USP6NL: variants seen among roughly 807,000 people sequenced by gnomAD.
USP6NL encodes the protein USP6 N-terminal-like protein.
In USP6NL, 26 loss-of-function variants were observed where a neutral mutation model predicts 61.9. That is an observed-to-expected ratio of 0.42 (90% confidence interval 0.31 to 0.58). The LOEUF (loss-of-function observed/expected upper bound fraction) is 0.58, where lower values mean the gene tolerates loss of function less well. Among genes scored for constraint, USP6NL ranks in the 20% least tolerant of loss-of-function variants. USP6NL has a pLI of 0.16. For synonymous variants in USP6NL, 432 were observed against 390.1 expected, an observed-to-expected ratio of 1.11 and a Z score of -1.27; for missense variants, 1,114 against 1,034.3, an observed-to-expected ratio of 1.08 and a Z score of -1.06.
intron 5 of USP6NL, among the ~76,000 whole-genome samples, chr10:11,514,196 C>T (rs1210434732): frequency 6.6e-6 from 1 of 150,836 alleles, no homozygotes; most frequent in African/African-American, 2.4e-5. Flanking sequence ...CAACTCTACC[C>T]AATGGTCTCA....
intron 2 of USP6NL, among the ~76,000 whole-genome samples, chr10:11,580,850 A>G (rs75182234): frequency 6.6e-6 from 1 of 150,994 alleles, no homozygotes; most frequent in African/African-American, 2.4e-5. Context: ...TGAATGGATG[A>G]ATGACGAACG....
intron 14 of USP6NL, among the ~76,000 whole-genome samples, chr10:11,477,006 G>A (rs957404590): frequency 3.3e-5 from 5 of 152,072 alleles, no homozygotes; most frequent in Admixed American, 6.6e-5. Flanking sequence ...CGAGTAGTTG[G>A]GATTACAGGC....
chr10:11,572,677 C>T (rs928777545), intron 2 of USP6NL, among the ~76,000 whole-genome samples: 5 of 151,986 alleles, frequency 3.3e-5, no homozygotes, highest in Non-Finnish European at 7.4e-5. Flanking sequence ...AAGTAATCTA[C>T]ATTTTATATC....
At chr10:11,498,019 C>T (rs1299160453) in intron 7 of USP6NL, among the ~76,000 whole-genome samples, 5 of 151,712 alleles carry the variant, frequency 3.3e-5, no homozygotes, top group East Asian at 1.9e-4. Context: ...GGGTGGATCA[C>T]GAGGTCAGGG....
chr10:11,583,848 CA>C lies in USP6NL; in HGVS notation c.4+13782del, dbSNP rs148190188. ...CTCAAGACCAGCCTGGCCAACGTGG[CA>C]AAACCCTGAAAACTACTAAAAATAC... On this transcript the variant is annotated intron_variant, in intron 2 of 14. Coordinates refer to ENST00000609104, the MANE Select transcript of USP6NL (RefSeq NM_014688.5). Among the ~76,000 whole-genome samples, 29 of 152,130 alleles carry C rather than the reference CA, an allele frequency of 1.9e-4. No individual in the cohort carries two copies. In the East Asian group the frequency reaches 5.6e-3, roughly 30 times the overall value.
intron 2 of USP6NL, among the ~76,000 whole-genome samples, chr10:11,534,189 T>C (rs1469182702): frequency 6.6e-6 from 1 of 152,248 alleles, no homozygotes; most frequent in Non-Finnish European, 1.5e-5. Context: ...CTCCTCTTAG[T>C]GATTTTCCAT....
Position 11,592,747 on chromosome 10 carries a change from T to C in USP6NL, c.4+4884A>G, listed in dbSNP as rs146835388. Among the ~76,000 whole-genome samples the C allele has an allele frequency of 0.012, 1,880 of 152,350 alleles. 15 individuals carry two copies. Among genetic ancestry groups the C allele is most frequent in the Non-Finnish European group, 0.018 (1,206 of 68,030 alleles). ...CCTAGAGAGTTTTAGCCAGTACTTA[T>C]GGGAAGTCTTCTGTTACTTGGAGCA... On this transcript the variant is annotated intron_variant, in intron 2 of 14. Coordinates refer to ENST00000609104, the MANE Select transcript of USP6NL (RefSeq NM_014688.5). The surrounding 1 kb of genome is among the most constrained non-coding windows in gnomAD (Gnocchi z 4.7).
chr10:11,504,911 T>A (rs1834371240), intron 6 of USP6NL, among the ~76,000 whole-genome samples: 1 of 152,180 alleles, frequency 6.6e-6, no homozygotes, highest in Non-Finnish European at 1.5e-5. Flanking sequence ...AGAAGGATGG[T>A]GGGCACCACA....
rs527857391 is a variant in USP6NL, at chr10:11,592,255, T to C, written c.4+5376A>G. Among the ~76,000 whole-genome samples, 1 of 152,268 alleles carries C rather than the reference T, an allele frequency of 6.6e-6. No homozygotes were observed. The highest frequency in any genetic ancestry group is 2.4e-5 in the African/African-American group (1 of 41,552). ...ACAGTATATTCCACTTTAAATAGTG[T>C]TAATAACAACGAAGTACACTAAACT... On this transcript the variant is annotated intron_variant, in intron 2 of 14. Coordinates refer to ENST00000609104, the MANE Select transcript of USP6NL (RefSeq NM_014688.5). This position sits in a 1 kb window ranked among gnomAD's most constrained non-coding sequence, Gnocchi z 4.7.
chr10:11,580,073 T>C lies in USP6NL; in HGVS notation c.4+17558A>G, dbSNP rs146950624. Among the ~76,000 whole-genome samples the C allele has an allele frequency of 1.7e-3, 263 of 151,194 alleles. 1 individual carries two copies. Among genetic ancestry groups the C allele is most frequent in the African/African-American group, 5.7e-3 (237 of 41,226 alleles). On this transcript the variant is annotated intron_variant, in intron 2 of 14. Transcript: ENST00000609104. ...AGATGCCGGTTAACATCCTACAATTTACGTAACAGCCTCCACGAGAATTAT... is the reference window on the plus strand; with the variant it reads ...AGATGCCGGTTAACATCCTACAATTCACGTAACAGCCTCCACGAGAATTAT...
At position 11,499,205 on chromosome 10, in the gene USP6NL, A is replaced by G. The variant is rs1386447302; in HGVS notation, c.384+1896T>C. 6.6e-6 allele frequency among the ~76,000 whole-genome samples: 1 copy of G among 152,016 alleles called. No individual in the cohort carries two copies. ...AGAGAGAAAGAGTGGATGAGAAAGG[A>G]AAAAAAAGTTGGCTAAATAATGATG... On this transcript the variant is annotated intron_variant, in intron 7 of 14. Coordinates refer to ENST00000609104, the MANE Select transcript of USP6NL (RefSeq NM_014688.5). This position sits in a 1 kb window ranked among gnomAD's most constrained non-coding sequence, Gnocchi z 4.5.
rs1467151503 is a variant in USP6NL at position 11,460,642 on chromosome 10, TATATATATATATAA to T, written c.*1785_*1798del. 53 of 145,692 alleles carry T rather than the reference TATATATATATATAA, an allele frequency of 3.6e-4. 1 individual carries two copies. The South Asian group carries it at 0.011, about 31-fold the overall frequency. The allele number at this position is 145,692 out of a possible 1,614,324, so 9.0% of individuals were successfully genotyped here. On this transcript the variant is annotated 3_prime_UTR_variant, in exon 15 of 15. Coordinates refer to ENST00000609104, the MANE Select transcript of USP6NL (RefSeq NM_014688.5). ...TTTTTTGCATATATATATATATATA[TATATATATATATAA>T]AAATCTACAGTATTTACCACTGTTG...
intron 2 of USP6NL, among the ~76,000 whole-genome samples, chr10:11,542,867 G>A (rs1019429071): frequency 6.6e-6 from 1 of 152,114 alleles, no homozygotes; most frequent in Non-Finnish European, 1.5e-5. Flanking sequence ...AGTAACGTGG[G>A]GTAGGAAAGA....
Position 11,463,426 on chromosome 10 carries a change from T to A in USP6NL, c.1502A>T (p.Lys501Ile), listed in dbSNP as rs747886373. 6.2e-7 allele frequency: 1 copy of A among 1,613,922 alleles called. No homozygotes were observed. Among genetic ancestry groups the A allele is most frequent in the African/African-American group, 1.3e-5 (1 of 74,934 alleles). The change falls in exon 15 of 15, where the codon AAA becomes ATA. Residue 501 changes from lysine (K) to isoleucine (I), a missense_variant. Physicochemically the swap from Lys to Ile is moderately radical, Grantham distance 102. Coordinates refer to ENST00000609104, the MANE Select transcript of USP6NL (RefSeq NM_014688.5). The surrounding 1 kb of genome is among the most constrained non-coding windows in gnomAD (Gnocchi z 6.3). ...SDVSATERTA[K>I]YTMEGKGRAA... Reference sequence around the variant, plus strand: ...TCGACCTTTGCCTTCCATGGTGTATTTGGCAGTTCTCTCTGTAGCTGAGAC... The same window carrying A: ...TCGACCTTTGCCTTCCATGGTGTATATGGCAGTTCTCTCTGTAGCTGAGAC...
rs913317316 is a variant in USP6NL at position 11,596,607 on chromosome 10, G to A, written c.4+1024C>T. ...CCACTGCACTGCAGCCTGGGCGACA[G>A]AGGGAGACTCCGTCTCAAAAAAAAA... On this transcript the variant is annotated intron_variant, in intron 2 of 14. Coordinates refer to ENST00000609104, the MANE Select transcript of USP6NL (RefSeq NM_014688.5). This position sits in a 1 kb window ranked among gnomAD's most constrained non-coding sequence, Gnocchi z 4.1. Among the ~76,000 whole-genome samples, 1 of 149,586 alleles carries A rather than the reference G, an allele frequency of 6.7e-6. No homozygotes were observed. Among genetic ancestry groups the A allele is most frequent in the South Asian group, 2.1e-4 (1 of 4,740 alleles).
chr10:11,605,591 T>C (rs984813872), intron 1 of USP6NL, among the ~76,000 whole-genome samples: 4 of 152,200 alleles, frequency 2.6e-5, no homozygotes, highest in Admixed American at 2.6e-4. Flanking sequence ...CTATGCTTAC[T>C]GCATCCACAG....
chr10:11,550,989 C>T (rs1836460335), intron 2 of USP6NL, among the ~76,000 whole-genome samples: 1 of 152,048 alleles, frequency 6.6e-6, no homozygotes, highest in Admixed American at 6.5e-5. Flanking sequence ...TCAAGTGCTG[C>T]TAAGGATATG....
At chr10:11,566,215 G>A (rs2133552777) in intron 2 of USP6NL, among the ~76,000 whole-genome samples, 1 of 152,264 alleles carries the variant, frequency 6.6e-6, no homozygotes, top group African/African-American at 2.4e-5. Context: ...AGAGTGTGTG[G>A]CAGAAACATG....
intron 2 of USP6NL, among the ~76,000 whole-genome samples, chr10:11,538,945 CCTTTCGTTGTGGAAAGGCT>C (rs1181914373): frequency 1.3e-5 from 2 of 152,208 alleles, no homozygotes; most frequent in African/African-American, 4.8e-5. Context: ...GCACAGGCTC[CCTTTCGTTGTGGAAAGGCT>C]CTGCTCATGT....
Sources: gnomAD v4.1 joint callset for allele counts (sites outside exome capture counted in the v4.1 genomes callset) on GRCh38, gnomAD v4.1.1 for gene constraint, Gnocchi (gnomAD v3.1) non-coding constraint, MANE v1.5 for transcripts, NCBI Gene and HGNC (gene_info 2026-07-23, HGNC 2026-07-21) for gene names.